Variants in SLC44A1 observed in about 807,000 individuals in gnomAD.
The protein encoded by SLC44A1 is choline transporter-like protein 1.
A neutral mutation model predicts 79.3 loss-of-function variants in SLC44A1; 26 were observed. That is an observed-to-expected ratio of 0.33 (90% CI 0.24 to 0.46). SLC44A1 has a LOEUF of 0.46. Among genes scored for constraint, SLC44A1 ranks in the 20% least tolerant of loss-of-function variants. The pLI is 1.00. For missense variants in SLC44A1, 688 were observed against 798.1 expected (o/e 0.86, Z 1.66); for synonymous variants, 263 against 286.2 (o/e 0.92, Z 0.82).
At chr9:105,246,558 G>T (rs2131186880) in intron 1 of SLC44A1, among the ~76,000 whole-genome samples, 1 of 152,242 alleles carries the variant, frequency 6.6e-6, no homozygotes, top group Non-Finnish European at 1.5e-5. Context: ...ACATATAAAG[G>T]TGTAGAATTG....
chr9:105,396,121 G>T lies in SLC44A1; in HGVS notation c.*7065G>T. The T allele has an allele frequency of 1.0e-6, 1 of 985,218 alleles. No individual in the cohort carries two copies. Among genetic ancestry groups the T allele is most frequent in the Non-Finnish European group, 1.2e-6 (1 of 829,868 alleles). 61.0% of individuals were successfully genotyped at this position (985,218 alleles called of 1,614,324 possible). On this transcript the variant is annotated 3_prime_UTR_variant, in exon 16 of 16. Transcript: ENST00000374720. Reference sequence around the variant, plus strand: ...CATGGGGACAGTTAACTTTTCTTCTGCTGTGTTGCCTTAATGCTACTAGAT... The same window carrying T: ...CATGGGGACAGTTAACTTTTCTTCTTCTGTGTTGCCTTAATGCTACTAGAT...
At chr9:105,424,906 C>A (rs1279786220) in intron 15 of SLC44A1, among the ~76,000 whole-genome samples, 1 of 146,876 alleles carries the variant, frequency 6.8e-6, no homozygotes, top group Non-Finnish European at 1.5e-5. Context: ...GAGGTCAGAC[C>A]ATTGCACACT....
chr9:105,413,274 T>C (rs1472141043), intron 15 of SLC44A1, among the ~76,000 whole-genome samples: 2 of 152,330 alleles, frequency 1.3e-5, no homozygotes, highest in African/African-American at 2.4e-5. Flanking sequence ...GTTAGCAAAA[T>C]GCCTTACTAA....
intron 4 of SLC44A1, among the ~76,000 whole-genome samples, chr9:105,344,694 C>T (rs1341078004): frequency 6.6e-6 from 1 of 152,100 alleles, no homozygotes; most frequent in East Asian, 1.9e-4. Context: ...TGGATGACAT[C>T]TATGTATCAG....
At chr9:105,372,798 A>T (rs1828148371) in intron 12 of SLC44A1, among the ~76,000 whole-genome samples, 1 of 145,184 alleles carries the variant, frequency 6.9e-6, no homozygotes. Context: ...AAAATACAAA[A>T]AATTAGCCGG....
chr9:105,250,241 A>G (rs1169542226), intron 1 of SLC44A1, among the ~76,000 whole-genome samples: 3 of 152,300 alleles, frequency 2.0e-5, no homozygotes, highest in East Asian at 3.9e-4. Context: ...GGAATTTCCA[A>G]GTTAAATTTC....
intron 5 of SLC44A1, among the ~76,000 whole-genome samples, chr9:105,355,170 G>A (rs1194736289): frequency 6.6e-6 from 1 of 152,174 alleles, no homozygotes; most frequent in East Asian, 1.9e-4. Flanking sequence ...CATACATATG[G>A]CTCTCATAGA....
chr9:105,262,750 A>G (rs1829870536), intron 1 of SLC44A1, among the ~76,000 whole-genome samples: 1 of 152,152 alleles, frequency 6.6e-6, no homozygotes, highest in African/African-American at 2.4e-5. Context: ...TCCAGAATGG[A>G]TTCAGGGACA....
intron 3 of SLC44A1, among the ~76,000 whole-genome samples, chr9:105,329,321 C>T (rs1027644144): frequency 2.0e-5 from 3 of 152,186 alleles, no homozygotes; most frequent in Non-Finnish European, 4.4e-5. Context: ...ATTTTTCAGC[C>T]TGCTTTCCAG....
At position 105,392,861 on chromosome 9, in the gene SLC44A1, G is replaced by A; in HGVS notation, c.*3805G>A. ...GTCATTTAAATTGGACTTTCCAATAGCCTTAACATGGCCTCTGAGAAGTTT... is the reference window on the plus strand; with the variant it reads ...GTCATTTAAATTGGACTTTCCAATAACCTTAACATGGCCTCTGAGAAGTTT... On this transcript the variant is annotated 3_prime_UTR_variant, in exon 16 of 16. Transcript: ENST00000374720. 1.0e-6 allele frequency: 1 copy of A among 985,290 alleles called. No individual in the cohort carries two copies. The highest frequency in any genetic ancestry group is 1.7e-5 in the African/African-American group (1 of 57,328). The allele number at this position is 985,290 out of a possible 1,614,324, so 61.0% of individuals were successfully genotyped here.
At chr9:105,323,563 C>T (rs760743224) in intron 3 of SLC44A1, among the ~76,000 whole-genome samples, 2 of 152,160 alleles carry the variant, frequency 1.3e-5, no homozygotes, top group South Asian at 2.1e-4. Context: ...GTATCGTGAA[C>T]GTTAACTGTT....
intron 1 of SLC44A1, among the ~76,000 whole-genome samples, chr9:105,249,320 G>A (rs1829525595): frequency 6.6e-6 from 1 of 152,132 alleles, no homozygotes; most frequent in African/African-American, 2.4e-5. Flanking sequence ...GAAGAGTGTA[G>A]TGGGAATTAC....
intron 4 of SLC44A1, among the ~76,000 whole-genome samples, chr9:105,338,120 C>T (rs979929477): frequency 6.6e-6 from 1 of 152,042 alleles, no homozygotes; most frequent in Non-Finnish European, 1.5e-5. Context: ...TCCAGAAGCA[C>T]AACAATGGAG....
At chr9:105,361,125 G>A in intron 7 of SLC44A1, 66 bp from the exon 8 acceptor site, 1 of 1,500,164 alleles carries the variant, frequency 6.7e-7, no homozygotes, top group Non-Finnish European at 9.3e-7. Flanking sequence ...CAAGAAAATT[G>A]AGAATTTATG....
chr9:105,250,633 A>G (rs34021714), intron 1 of SLC44A1, among the ~76,000 whole-genome samples: 632 of 152,362 alleles, frequency 4.1e-3, no homozygotes, highest in Admixed American at 7.6e-3. Context: ...GACTGAGGTC[A>G]GAGAGATACA....
At chr9:105,343,182 G>A (rs1013053673) in intron 4 of SLC44A1, among the ~76,000 whole-genome samples, 6 of 151,714 alleles carry the variant, frequency 4.0e-5, no homozygotes, top group Middle Eastern at 3.4e-3. Context: ...TTTTCCTTTT[G>A]TTTGCCTCCC....
chr9:105,280,852 G>A (rs1830333772), intron 1 of SLC44A1, among the ~76,000 whole-genome samples: 1 of 152,306 alleles, frequency 6.6e-6, no homozygotes, highest in Non-Finnish European at 1.5e-5. Flanking sequence ...TTAAGCTACC[G>A]ATGTAAAGTC....
chr9:105,248,901 C>T (rs983272907), intron 1 of SLC44A1, among the ~76,000 whole-genome samples: 3 of 152,160 alleles, frequency 2.0e-5, no homozygotes, highest in Admixed American at 1.3e-4. Flanking sequence ...AGCAAATTGC[C>T]GTAAGTCTTT....
At chr9:105,266,977 G>GA (rs1017936492) in intron 1 of SLC44A1, among the ~76,000 whole-genome samples, 1 of 151,300 alleles carries the variant, frequency 6.6e-6, no homozygotes, top group Non-Finnish European at 1.5e-5. Flanking sequence ...CCTTCTTTGA[G>GA]TTTTTTTTTC....
Sources: allele counts gnomAD v4.1 joint callset (sites outside exome capture counted in the v4.1 genomes callset), GRCh38; gene constraint gnomAD v4.1.1; transcripts MANE v1.5; gene names NCBI Gene and HGNC (gene_info 2026-07-23, HGNC 2026-07-21).